MITF: variants seen among roughly 807,000 people sequenced by gnomAD.
MITF encodes melanocyte inducing transcription factor.
A neutral mutation model predicts 60.5 loss-of-function variants in MITF; 17 were observed. The observed-to-expected ratio is 0.28, with a 90% CI of 0.19 to 0.42. The LOEUF is 0.42. Among genes scored for constraint, MITF ranks in the 10% least tolerant of loss-of-function variants. The pLI, the probability that MITF is intolerant of heterozygous loss-of-function variation, is 1.00. For missense variants in MITF, 622 were observed against 683.5 expected (o/e 0.91, Z 1.00); for synonymous variants, 260 against 248.5 (o/e 1.05, Z -0.43).
intron 1 of MITF, among the ~76,000 whole-genome samples, chr3:69,876,786 G>A (rs549782900): frequency 1.3e-5 from 2 of 152,284 alleles, no homozygotes; most frequent in South Asian, 2.1e-4. Context: ...TATTGTCAAA[G>A]TGTTGTCTAT....
chr3:69,759,737 A>C (rs1290854946), intron 1 of MITF, among the ~76,000 whole-genome samples: 1 of 152,230 alleles, frequency 6.6e-6, no homozygotes, highest in African/African-American at 2.4e-5. Context: ...GTTGTGGATT[A>C]CAGAGGGAGC....
At chr3:69,784,149 A>G (rs1217499397) in intron 1 of MITF, among the ~76,000 whole-genome samples, 1 of 152,008 alleles carries the variant, frequency 6.6e-6, no homozygotes, top group Non-Finnish European at 1.5e-5. Flanking sequence ...CCATTGGGGA[A>G]GAGTTGCTTT....
chr3:69,767,096 A>C (rs1463917267), intron 1 of MITF, among the ~76,000 whole-genome samples: 3 of 152,158 alleles, frequency 2.0e-5, no homozygotes, highest in Non-Finnish European at 2.9e-5. Flanking sequence ...CTTCCAGTGG[A>C]GTAAGATATG....
At chr3:69,821,748 T>A (rs2063277785) in intron 1 of MITF, among the ~76,000 whole-genome samples, 1 of 151,732 alleles carries the variant, frequency 6.6e-6, no homozygotes, top group African/African-American at 2.4e-5. Context: ...TTTAAAATTT[T>A]ATTTTATTAT....
intron 1 of MITF, among the ~76,000 whole-genome samples, chr3:69,878,320 G>GT (rs2064401135): frequency 6.6e-6 from 1 of 152,194 alleles, no homozygotes; most frequent in African/African-American, 2.4e-5. Flanking sequence ...AAATTAGGAA[G>GT]TTTTTTCTTT....
At position 69,788,124 on chromosome 3, in the gene MITF, T is replaced by G. The variant is rs190618407; in HGVS notation, c.104+48423T>G. ...GGGACCTGTCTTCTTAACCACTATT[T>G]TCTTTTTCTTTTTTTTTTTAATTAT... On this transcript the variant is annotated intron_variant, in intron 1 of 9. Transcript: ENST00000352241. Among the ~76,000 whole-genome samples the G allele has an allele frequency of 2.0e-5, 3 of 151,992 alleles. No homozygotes were observed. In the East Asian group the frequency reaches 5.8e-4, roughly 29 times the overall value.
intron 1 of MITF, among the ~76,000 whole-genome samples, chr3:69,756,763 G>T (rs569132874): frequency 2.6e-5 from 4 of 152,238 alleles, no homozygotes; most frequent in Admixed American, 2.6e-4. Context: ...AGTGTAAAGC[G>T]TCCCTGTTTC....
At chr3:69,827,385 C>G (rs1454049204) in intron 1 of MITF, among the ~76,000 whole-genome samples, 2 of 152,176 alleles carry the variant, frequency 1.3e-5, no homozygotes, top group Admixed American at 1.3e-4. Flanking sequence ...TTGACAGTAG[C>G]TCTGATCTTT....
chr3:69,894,366 T>C (rs2064826110), intron 2 of MITF, among the ~76,000 whole-genome samples: 1 of 152,224 alleles, frequency 6.6e-6, no homozygotes, highest in Admixed American at 6.5e-5. Flanking sequence ...CTTCCTTACA[T>C]GATATGTCCA....
At chr3:69,810,467 C>A (rs551566419) in intron 1 of MITF, among the ~76,000 whole-genome samples, 1 of 152,024 alleles carries the variant, frequency 6.6e-6, no homozygotes, top group East Asian at 1.9e-4. Context: ...TATTTGATGG[C>A]GGTGTGCTCA....
chr3:69,803,437 T>C (rs2062954746), intron 1 of MITF, among the ~76,000 whole-genome samples: 1 of 152,168 alleles, frequency 6.6e-6, no homozygotes, highest in African/African-American at 2.4e-5. Context: ...TGGAGGTTAA[T>C]GCTTGGAGAA....
At chr3:69,881,173 A>G (rs1364192972) in intron 2 of MITF, among the ~76,000 whole-genome samples, 2 of 152,106 alleles carry the variant, frequency 1.3e-5, no homozygotes, top group Admixed American at 6.5e-5. Context: ...ATTGAGCTAC[A>G]ACCCCTAACT....
At chr3:69,785,616 C>CT (rs1293402503) in intron 1 of MITF, among the ~76,000 whole-genome samples, 1 of 152,156 alleles carries the variant, frequency 6.6e-6, no homozygotes, top group African/African-American at 2.4e-5. Context: ...TTGCTTTTTC[C>CT]TTAAATCACA....
In MITF at chr3:69,965,380, C is replaced by G; in HGVS notation, c.*132C>G. ...TTTTTTTTCATGCTTTATCAATAGCCCAGGATATATTTTATTTTTAGAATT... is the reference window on the plus strand; with the variant it reads ...TTTTTTTTCATGCTTTATCAATAGCGCAGGATATATTTTATTTTTAGAATT... On this transcript the variant is annotated 3_prime_UTR_variant, in exon 10 of 10. Transcript: ENST00000352241. 2 of 869,958 alleles carry G rather than the reference C, an allele frequency of 2.3e-6. No homozygotes were observed. 53.9% of individuals were successfully genotyped at this position (869,958 alleles called of 1,614,324 possible). A position where few individuals can be genotyped will look rare whatever the true frequency, so the allele number is the denominator to read the frequency against.
intron 8 of MITF, among the ~76,000 whole-genome samples, chr3:69,956,982 G>A (rs1022312668): frequency 3.9e-5 from 6 of 152,144 alleles, no homozygotes; most frequent in African/African-American, 1.4e-4. Context: ...CAGACAAAAA[G>A]GGTCAATTAT....
rs558172814 is a variant in MITF at position 69,777,816 on chromosome 3, T to C, written c.104+38115T>C. On this transcript the variant is annotated intron_variant, in intron 1 of 9. Transcript: ENST00000352241. ...ACCTGGAAGGGAAGATAAATTCAAGTTCAGTATCACTGGGGCCATAGAATG... is the reference window on the plus strand; with the variant it reads ...ACCTGGAAGGGAAGATAAATTCAAGCTCAGTATCACTGGGGCCATAGAATG... Among the ~76,000 whole-genome samples, 7 of 152,180 alleles carry C rather than the reference T, an allele frequency of 4.6e-5. No individual in the cohort carries two copies. In the South Asian group the frequency reaches 1.5e-3, roughly 32 times the overall value.
chr3:69,775,179 T>C lies in MITF; in HGVS notation c.104+35478T>C, dbSNP rs1332072100. 2.0e-5 allele frequency among the ~76,000 whole-genome samples: 3 copies of C among 152,164 alleles called. 1 individual carries two copies. Among genetic ancestry groups the C allele is most frequent in the African/African-American group, 7.2e-5 (3 of 41,438 alleles). The stretch of plus-strand genomic sequence containing the variant: ...TGTTTACATAATTATTCTATATGCA[T>C]CCGTATGTTCAGTGTTTGTTTCCCT... On this transcript the variant is annotated intron_variant, in intron 1 of 9. Transcript: ENST00000352241.
At chr3:69,933,991 G>C (rs948170099) in intron 2 of MITF, among the ~76,000 whole-genome samples, 2 of 152,176 alleles carry the variant, frequency 1.3e-5, no homozygotes, top group African/African-American at 4.8e-5. Context: ...CTATGAGGGA[G>C]TTTGGACAGG....
At chr3:69,815,774 C>G (rs1168487137) in intron 1 of MITF, among the ~76,000 whole-genome samples, 1 of 152,088 alleles carries the variant, frequency 6.6e-6, no homozygotes, top group East Asian at 1.9e-4. Context: ...TTATTGAATG[C>G]TAGTCATTGT....
Sources: allele counts gnomAD v4.1 joint callset (sites outside exome capture counted in the v4.1 genomes callset), GRCh38; gene constraint gnomAD v4.1.1; transcripts MANE v1.5; gene names NCBI Gene and HGNC (gene_info 2026-07-23, HGNC 2026-07-21).